Variants in MBD5 observed in about 807,000 individuals in gnomAD.
MBD5 encodes methyl-CpG binding domain protein 5.
In MBD5, 13 loss-of-function variants were observed where a neutral mutation model predicts 117.3. The observed-to-expected ratio is 0.11, with a 90% CI of 0.07 to 0.18. The LOEUF is 0.18. Among genes scored for constraint, MBD5 ranks in the 10% least tolerant of loss-of-function variants. MBD5 has a pLI of 1.00. For missense variants in MBD5, 1,879 were observed against 2,093.8 expected (o/e 0.90, Z 2.00); for synonymous variants, 727 against 766.4 (o/e 0.95, Z 0.85).
intron 4 of MBD5, among the ~76,000 whole-genome samples, chr2:148,440,934 A>T (rs910428530): frequency 8.5e-5 from 13 of 152,198 alleles, no homozygotes; most frequent in Non-Finnish European, 1.8e-4. Context: ...GTGCAACAGA[A>T]TACAATGGTA....
At position 148,046,650 on chromosome 2, in the gene MBD5, C is replaced by T. The variant is rs1439791438; in HGVS notation, c.-925+24966C>T. ...TGTTTTCCTTCCTAATTCCTAAGTC[C>T]GCTCAGTTCTATCTTTGTGTTATGC... On this transcript the variant is annotated intron_variant, in intron 1 of 13. Coordinates refer to ENST00000642680, the MANE Select transcript of MBD5 (RefSeq NM_001378120.1). 2.0e-5 allele frequency among the ~76,000 whole-genome samples: 3 copies of T among 152,100 alleles called. No homozygotes were observed. In the East Asian group the frequency reaches 5.8e-4, roughly 29 times the overall value.
At chr2:148,162,639 GGGTGTTACAT>G (rs1189921977) in intron 1 of MBD5, among the ~76,000 whole-genome samples, 4 of 152,072 alleles carry the variant, frequency 2.6e-5, no homozygotes, top group Non-Finnish European at 5.9e-5. Context: ...GTGAGTAAAA[GGGTGTTACAT>G]GGTCACTTAT....
In MBD5 at chr2:148,194,667, A is replaced by G. The variant is rs923965374; in HGVS notation, c.-831+15874A>G. ...GGAGTTATACCTAATGCTAGATGAC[A>G]CGTTAGTGGGTGCAGCGCACCAGCA... On this transcript the variant is annotated intron_variant, in intron 2 of 13. Coordinates refer to ENST00000642680, the MANE Select transcript of MBD5 (RefSeq NM_001378120.1). Among the ~76,000 whole-genome samples the G allele has an allele frequency of 4.1e-4, 51 of 124,596 alleles. 1 individual carries two copies. The East Asian group carries it at 0.011, about 27-fold the overall frequency. 81.7% of individuals were successfully genotyped at this position (124,596 alleles called of 152,430 possible).
At chr2:148,484,815 A>T (rs1681283888) in intron 9 of MBD5, among the ~76,000 whole-genome samples, 1 of 152,234 alleles carries the variant, frequency 6.6e-6, no homozygotes, top group South Asian at 2.1e-4. Context: ...GGATATAGGT[A>T]ACTATAATAT....
chr2:148,153,885 ATG>A (rs1697771477), intron 1 of MBD5, among the ~76,000 whole-genome samples: 1 of 95,808 alleles, frequency 1.0e-5, no homozygotes, highest in African/African-American at 3.9e-5. Flanking sequence ...TTTGGTTTGA[ATG>A]TCCTCCCGTA....
chr2:148,366,275 AC>A (rs764387019), intron 4 of MBD5, among the ~76,000 whole-genome samples: 4 of 152,078 alleles, frequency 2.6e-5, no homozygotes, highest in Admixed American at 6.6e-5. Context: ...AAAATCCAAC[AC>A]CCCTTCATGC....
chr2:148,206,540 C>CT (rs1699287461), intron 2 of MBD5, among the ~76,000 whole-genome samples: 1 of 152,094 alleles, frequency 6.6e-6, no homozygotes, highest in Non-Finnish European at 1.5e-5. Context: ...TGCTATTGAA[C>CT]CCTAGAACTT....
intron 3 of MBD5, among the ~76,000 whole-genome samples, chr2:148,268,874 A>C (rs776357416): frequency 6.6e-6 from 1 of 152,012 alleles, no homozygotes; most frequent in Non-Finnish European, 1.5e-5. Flanking sequence ...TCTAATATCC[A>C]TAGAGGTGGG....
intron 1 of MBD5, among the ~76,000 whole-genome samples, chr2:148,124,861 G>C (rs1425995149): frequency 6.6e-6 from 1 of 151,150 alleles, no homozygotes; most frequent in Non-Finnish European, 1.5e-5. Flanking sequence ...GAGAATCAAG[G>C]AATAGTTATA....
At chr2:148,238,819 C>G (rs140618609) in intron 3 of MBD5, among the ~76,000 whole-genome samples, 2 of 152,164 alleles carry the variant, frequency 1.3e-5, no homozygotes, top group Non-Finnish European at 2.9e-5. Context: ...CCCTGTGTGT[C>G]TGTTTCTCTT....
Position 148,468,447 on chromosome 2 carries a change from C to G in MBD5, c.504C>G (p.Phe168Leu). ...TAATGCCTGAATGTAAGAATCCTTT[C>G]AAGTTAATGATTGGATCATCAAATG... ...NSVMPECKNPFKLMIGSSNAM... is the reference protein window; with the variant it reads ...NSVMPECKNPLKLMIGSSNAM... Residue 168 changes from phenylalanine to leucine, a missense_variant, in exon 8 of 14, where the codon TTC becomes TTG. Transcript: ENST00000642680. 1 of 1,613,796 alleles carries G rather than the reference C, an allele frequency of 6.2e-7. No homozygotes were observed. The highest frequency in any genetic ancestry group is 8.5e-7 in the Non-Finnish European group (1 of 1,179,822).
intron 1 of MBD5, 124 bp downstream of exon 1, chr2:148,021,808 G>C: frequency 4.8e-6 from 1 of 207,922 alleles, no homozygotes; most frequent in South Asian, 6.1e-5. Flanking sequence ...TGCTGGGGGG[G>C]GTGAAGGAGG....
At chr2:148,042,966 G>C (rs1558899622) in intron 1 of MBD5, among the ~76,000 whole-genome samples, 1 of 152,092 alleles carries the variant, frequency 6.6e-6, no homozygotes, top group Non-Finnish European at 1.5e-5. Context: ...TTAGATTTGG[G>C]GGGTAGGATG....
chr2:148,160,063 G>A (rs1697969300), intron 1 of MBD5, among the ~76,000 whole-genome samples: 2 of 152,140 alleles, frequency 1.3e-5, no homozygotes, highest in South Asian at 4.1e-4. Flanking sequence ...AAACACCTGT[G>A]GGGTTTTCTA....
In MBD5 at chr2:148,469,568, C is replaced by T. The variant is rs771029137; in HGVS notation, c.1625C>T (p.Pro542Leu). Residue 542 changes from proline to leucine, a missense_variant, in exon 8 of 14, where the codon CCT (proline) becomes CTT (leucine). Around this residue, in one of 4 missense-constraint regions of MBD5, gnomAD observed 1,666 missense variants for 1,792.2 expected, o/e 0.93. Coordinates refer to ENST00000642680, the MANE Select transcript of MBD5 (RefSeq NM_001378120.1). ...VLNTPSSAAF[P>L]TASAGSSSVK... is the part of the protein sequence containing the mutation. ...AATACCCCAAGCAGTGCAGCTTTTC[C>T]TACTGCATCTGCCGGAAGTAGTTCT... The T allele has an allele frequency of 6.2e-7, 1 of 1,613,820 alleles. No homozygotes were observed. The highest frequency in any genetic ancestry group is 1.1e-5 in the South Asian group (1 of 91,088).
intron 4 of MBD5, among the ~76,000 whole-genome samples, chr2:148,441,431 G>A (rs945813327): frequency 1.3e-5 from 2 of 151,980 alleles, no homozygotes; most frequent in Admixed American, 6.6e-5. Flanking sequence ...CAAAGGACAT[G>A]AACTCATCAT....
intron 1 of MBD5, among the ~76,000 whole-genome samples, chr2:148,159,473 A>G (rs755128086): frequency 2.0e-5 from 3 of 151,912 alleles, no homozygotes; most frequent in Non-Finnish European, 2.9e-5. Flanking sequence ...TTTTGTAGAG[A>G]TAGGGTTTCA....
rs539536215 is a variant in MBD5, at chr2:148,382,312, C to T, written c.-557+39976C>T. Among the ~76,000 whole-genome samples, 4 of 152,048 alleles carry T rather than the reference C, an allele frequency of 2.6e-5. No individual in the cohort carries two copies. In the South Asian group the frequency reaches 6.3e-4, roughly 24 times the overall value. On this transcript the variant is annotated intron_variant, in intron 4 of 13. Transcript: ENST00000642680. ...AAGGCAGGGGTTGCAATCCTAGTCTCGGATAAAACAGACTTTAAAACAACA... is the reference window on the plus strand; with the variant it reads ...AAGGCAGGGGTTGCAATCCTAGTCTTGGATAAAACAGACTTTAAAACAACA...
intron 4 of MBD5, among the ~76,000 whole-genome samples, chr2:148,450,433 A>T (rs1706693701): frequency 6.6e-6 from 1 of 152,074 alleles, no homozygotes; most frequent in Admixed American, 6.6e-5. Context: ...AATATTTTTG[A>T]TTCTGTGAGT....
Sources: gnomAD v4.1 joint callset for allele counts (sites outside exome capture counted in the v4.1 genomes callset) on GRCh38, gnomAD v4.1.1 for gene constraint, gnomAD v4.1.1 regional missense constraint, MANE v1.5 for transcripts, NCBI Gene and HGNC (gene_info 2026-07-23, HGNC 2026-07-21) for gene names.